The following MGAT4C variants were observed in gnomAD, a reference collection of about 807,000 sequenced individuals.
MGAT4C encodes alpha-1,3-mannosyl-glycoprotein 4-beta-N-acetylglucosaminyltransferase C.
In MGAT4C, 19 loss-of-function variants were observed where a neutral mutation model predicts 40.1. That is an observed-to-expected ratio of 0.47 (90% CI 0.33 to 0.70). The LOEUF (loss-of-function observed/expected upper bound fraction) is 0.70. Among genes scored for constraint, MGAT4C ranks in the 30% least tolerant of loss-of-function variants. MGAT4C has a pLI of 0.02. For synonymous variants in MGAT4C, 181 were observed against 187.1 expected, an observed-to-expected ratio of 0.97 and a Z score of 0.27; for missense variants, 491 against 563.2, an observed-to-expected ratio of 0.87 and a Z score of 1.30.
chr12:86,639,962 C>A (rs552290657), intron 2 of MGAT4C, among the ~76,000 whole-genome samples: 1 of 151,566 alleles, frequency 6.6e-6, no homozygotes, highest in East Asian at 1.9e-4. Context: ...TCCTAAACTT[C>A]TAAATTATGA....
chr12:86,433,408 G>T (rs1356098474), intron 3 of MGAT4C, among the ~76,000 whole-genome samples: 1 of 151,758 alleles, frequency 6.6e-6, no homozygotes, highest in African/African-American at 2.4e-5. Context: ...TCGCTTAAAA[G>T]TTGGAAAGAT....
intron 1 of MGAT4C, among the ~76,000 whole-genome samples, chr12:86,802,079 T>C (rs1321437448): frequency 6.6e-6 from 1 of 151,938 alleles, no homozygotes; most frequent in Non-Finnish European, 1.5e-5. Flanking sequence ...TCATGGTCAA[T>C]AGTTATTCTC....
chr12:86,361,785 G>T (rs1277639367), intron 3 of MGAT4C, among the ~76,000 whole-genome samples: 1 of 152,162 alleles, frequency 6.6e-6, no homozygotes, highest in Non-Finnish European at 1.5e-5. Context: ...ACCACAATGA[G>T]ATACCATCTC....
At chr12:86,587,101 C>T (rs1334399575) in intron 2 of MGAT4C, among the ~76,000 whole-genome samples, 3 of 151,914 alleles carry the variant, frequency 2.0e-5, no homozygotes, top group Non-Finnish European at 4.4e-5. Context: ...ACATTTAAGT[C>T]TTTAATCCAT....
At chr12:86,167,001 T>C (rs839117) in intron 1 of MGAT4C, among the ~76,000 whole-genome samples, 134,955 of 152,174 alleles carry the variant, frequency 0.89, 60,087 homozygotes, top group East Asian at 1. Context: ...ATATACCTTA[T>C]ATTTTGGTAA....
At chr12:86,235,299 C>A (rs1277173416) in intron 1 of MGAT4C, among the ~76,000 whole-genome samples, 1 of 152,056 alleles carries the variant, frequency 6.6e-6, no homozygotes, top group African/African-American at 2.4e-5. Context: ...TTAACATACA[C>A]TTCACTGATA....
chr12:86,632,115 C>T (rs1963066137), intron 2 of MGAT4C, among the ~76,000 whole-genome samples: 2 of 151,984 alleles, frequency 1.3e-5, no homozygotes, highest in Admixed American at 1.3e-4. Context: ...AGATACTTCT[C>T]AAAAGAAGAC....
chr12:86,833,767 T>C lies in MGAT4C; in HGVS notation c.-262+4899A>G, dbSNP rs184554821. On this transcript the variant is annotated intron_variant, in intron 1 of 7. Transcript: ENST00000548651. ...TTCTGTCTGTTTTTTTGTTTGTTTGTTTTGTTTGTTTTTACAAAAAGTAGT... is the reference window on the plus strand; with the variant it reads ...TTCTGTCTGTTTTTTTGTTTGTTTGCTTTGTTTGTTTTTACAAAAAGTAGT... Among the ~76,000 whole-genome samples the C allele has an allele frequency of 4.3e-4, 66 of 151,978 alleles. 1 individual carries two copies. The highest frequency in any genetic ancestry group is 1.3e-3 in the Admixed American group (20 of 15,212).
At chr12:86,484,714 G>A (rs560650040) in intron 2 of MGAT4C, among the ~76,000 whole-genome samples, 71 of 152,272 alleles carry the variant, frequency 4.7e-4, no homozygotes, top group African/African-American at 1.7e-3. Context: ...CAGGAAGAGT[G>A]AGACCTGTCA....
At chr12:86,461,661 T>C (rs985130931) in intron 2 of MGAT4C, among the ~76,000 whole-genome samples, 14 of 152,292 alleles carry the variant, frequency 9.2e-5, no homozygotes, top group African/African-American at 3.1e-4. Flanking sequence ...TAAAGGCTCA[T>C]AAAGTGCACT....
intron 2 of MGAT4C, among the ~76,000 whole-genome samples, chr12:86,525,758 TTG>T: frequency 6.6e-6 from 1 of 152,288 alleles, no homozygotes; most frequent in Non-Finnish European, 1.5e-5. Flanking sequence ...TCTAGGGAGC[TTG>T]TATTGGGCCC....
chr12:86,072,211 G>A (rs1239823176), intron 1 of MGAT4C, among the ~76,000 whole-genome samples: 1 of 152,064 alleles, frequency 6.6e-6, no homozygotes, highest in Non-Finnish European at 1.5e-5. Context: ...TACAGAGCTA[G>A]TAAAACACAT....
chr12:86,181,835 G>A (rs1216009560), intron 1 of MGAT4C, among the ~76,000 whole-genome samples: 1 of 151,898 alleles, frequency 6.6e-6, no homozygotes, highest in Non-Finnish European at 1.5e-5. Flanking sequence ...TTATTGATGT[G>A]TTATGGATTA....
chr12:86,298,242 T>G (rs1434392982), intron 4 of MGAT4C, among the ~76,000 whole-genome samples: 1 of 152,096 alleles, frequency 6.6e-6, no homozygotes, highest in Admixed American at 6.5e-5. Context: ...AAATGGTTAA[T>G]AAACATAAAA....
At chr12:86,675,048 C>A (rs1205270503) in intron 2 of MGAT4C, among the ~76,000 whole-genome samples, 1 of 152,070 alleles carries the variant, frequency 6.6e-6, no homozygotes, top group Non-Finnish European at 1.5e-5. Context: ...AGTGAGAAAA[C>A]TTACAACACT....
chr12:86,749,048 A>G (rs926739430), intron 1 of MGAT4C, among the ~76,000 whole-genome samples: 4 of 150,864 alleles, frequency 2.7e-5, no homozygotes, highest in African/African-American at 9.7e-5. Flanking sequence ...CATCTGGTTT[A>G]CATATCGTAA....
chr12:86,150,163 T>C lies in MGAT4C; in HGVS notation c.-56-100440A>G, dbSNP rs184213248. ...CCCTCTCATGAGCAGTTCACAATAGTGTTCTTGCTCCTGTGAGAATCTAAC... is the reference window on the plus strand; with the variant it reads ...CCCTCTCATGAGCAGTTCACAATAGCGTTCTTGCTCCTGTGAGAATCTAAC... On this transcript the variant is annotated intron_variant, in intron 1 of 4. Transcript: ENST00000611864. Among the ~76,000 whole-genome samples the C allele has an allele frequency of 2.0e-5, 3 of 152,272 alleles. No individual in the cohort carries two copies. The East Asian group carries it at 5.8e-4, about 29-fold the overall frequency.
intron 1 of MGAT4C, among the ~76,000 whole-genome samples, chr12:86,753,392 TTAA>T (rs1951254084): frequency 6.6e-6 from 1 of 152,256 alleles, no homozygotes; most frequent in Admixed American, 6.5e-5. Flanking sequence ...TTTAGTTAAT[TTAA>T]TATCTATAGA....
intron 4 of MGAT4C, among the ~76,000 whole-genome samples, chr12:86,278,835 TTA>T (rs1953141818): frequency 1.3e-5 from 2 of 152,204 alleles, no homozygotes; most frequent in South Asian, 4.1e-4. Context: ...TTTTGTTGTG[TTA>T]AGCTATATTC....
Sources: gnomAD v4.1 joint callset for allele counts (sites outside exome capture counted in the v4.1 genomes callset) on GRCh38, gnomAD v4.1.1 for gene constraint, MANE v1.5 for transcripts, NCBI Gene and HGNC (gene_info 2026-07-23, HGNC 2026-07-21) for gene names.